The following TCF7L1 variants were observed in gnomAD, a reference collection of about 807,000 sequenced individuals.
TCF7L1 encodes the protein transcription factor 7-like 1.
Under a neutral mutation model 63.7 loss-of-function variants are expected in TCF7L1, and 18 were observed. The observed-to-expected ratio is 0.28, with a 90% CI of 0.20 to 0.42. TCF7L1 has a LOEUF of 0.42. Among genes scored for constraint, TCF7L1 ranks in the 10% least tolerant of loss-of-function variants. The pLI is 1.00. For synonymous variants in TCF7L1, 355 were observed against 340.9 expected (o/e 1.04, Z -0.46); for missense variants, 654 against 779.3 (o/e 0.84, Z 1.91).
intron 3 of TCF7L1, among the ~76,000 whole-genome samples, chr2:85,179,718 G>A (rs1000443757): frequency 1.3e-5 from 2 of 151,714 alleles, no homozygotes; most frequent in African/African-American, 4.9e-5. Context: ...GGGCTGAGTG[G>A]GCTGGTACGG....
At position 85,256,719 on chromosome 2, in the gene TCF7L1, T is replaced by G. The variant is rs1488384424; in HGVS notation, c.442-26776T>G. Among the ~76,000 whole-genome samples, 8 of 152,190 alleles carry G rather than the reference T, an allele frequency of 5.3e-5. 1 individual carries two copies. Among genetic ancestry groups the G allele is most frequent in the Admixed American group, 5.2e-4 (8 of 15,286 alleles). ...TGATATTTACATATTGGGCCAGGTT[T>G]GGTGGCTCATGCCTGTAATTTGGGA... is the stretch of plus-strand genomic sequence containing the variant. On this transcript the variant is annotated intron_variant, in intron 3 of 11. Transcript: ENST00000282111.
In TCF7L1 at chr2:85,305,252, G is replaced by C; in HGVS notation, c.846-8G>C. ...CTCTGTTGCCATTTGTTTCTATCCG[G>C]TGCACAGCCTGGTCTCCAGTCGGTT... On this transcript the variant is annotated splice_polypyrimidine_tract_variant and splice_region_variant and intron_variant, in intron 7 of 11. Transcript: ENST00000282111. The C allele has an allele frequency of 6.2e-7, 1 of 1,614,048 alleles. No homozygotes were observed. Among genetic ancestry groups the C allele is most frequent in the Non-Finnish European group, 8.5e-7 (1 of 1,180,012 alleles).
intron 3 of TCF7L1, among the ~76,000 whole-genome samples, chr2:85,210,875 G>A (rs773880648): frequency 3.3e-5 from 5 of 152,190 alleles, no homozygotes; most frequent in Admixed American, 6.5e-5. Flanking sequence ...GGAAAATGAA[G>A]TGTGGAGAAT....
chr2:85,253,107 A>T (rs1680633959), intron 3 of TCF7L1, among the ~76,000 whole-genome samples: 1 of 152,204 alleles, frequency 6.6e-6, no homozygotes, highest in African/African-American at 2.4e-5. Flanking sequence ...CTATGGAACA[A>T]CAGACCGTGA....
At chr2:85,155,399 G>C (rs1393436414) in intron 3 of TCF7L1, among the ~76,000 whole-genome samples, 1 of 152,156 alleles carries the variant, frequency 6.6e-6, no homozygotes, top group African/African-American at 2.4e-5. Context: ...TCTTGCTGCT[G>C]TTCACTCTTT....
intron 3 of TCF7L1, among the ~76,000 whole-genome samples, chr2:85,143,058 C>G (rs1299126343): frequency 6.6e-6 from 1 of 152,132 alleles, no homozygotes; most frequent in African/African-American, 2.4e-5. Flanking sequence ...TAGCCTTTTT[C>G]AGGAGTTTTT....
intron 3 of TCF7L1, among the ~76,000 whole-genome samples, chr2:85,279,744 G>A (rs913372775): frequency 1.2e-4 from 19 of 152,150 alleles, no homozygotes; most frequent in African/African-American, 3.6e-4. Flanking sequence ...GCCTCCCAGA[G>A]TGAGTCCCTC....
At chr2:85,137,690 C>T (rs1190660211) in intron 3 of TCF7L1, among the ~76,000 whole-genome samples, 2 of 152,144 alleles carry the variant, frequency 1.3e-5, no homozygotes, top group African/African-American at 2.4e-5. Flanking sequence ...GTCGGGAGTT[C>T]GAGACCAGCC....
At chr2:85,177,164 C>T (rs765346421) in intron 3 of TCF7L1, among the ~76,000 whole-genome samples, 23 of 151,942 alleles carry the variant, frequency 1.5e-4, no homozygotes, top group Non-Finnish European at 2.4e-4. Flanking sequence ...TCTTGCATTC[C>T]TCATACAGTG....
At chr2:85,142,292 G>A (rs1677754623) in intron 3 of TCF7L1, among the ~76,000 whole-genome samples, 6 of 152,004 alleles carry the variant, frequency 3.9e-5, no homozygotes. Flanking sequence ...GCTGGGCATG[G>A]TGGTGGGCAC....
At chr2:85,197,544 A>C (rs966738681) in intron 3 of TCF7L1, among the ~76,000 whole-genome samples, 2 of 152,244 alleles carry the variant, frequency 1.3e-5, no homozygotes, top group Non-Finnish European at 2.9e-5. Flanking sequence ...GCAGTCTACT[A>C]AAAGTCCATT....
At chr2:85,227,273 C>G (rs1181067375) in intron 3 of TCF7L1, among the ~76,000 whole-genome samples, 1 of 152,178 alleles carries the variant, frequency 6.6e-6, no homozygotes, top group Non-Finnish European at 1.5e-5. Flanking sequence ...GTCAAACCCC[C>G]TCTGAACTCA....
chr2:85,226,899 T>C (rs1349120649), intron 3 of TCF7L1, among the ~76,000 whole-genome samples: 3 of 150,550 alleles, frequency 2.0e-5, no homozygotes, highest in Admixed American at 6.6e-5. Flanking sequence ...GGCATCCTCA[T>C]TGATCATAAA....
intron 4 of TCF7L1, among the ~76,000 whole-genome samples, chr2:85,291,714 G>T (rs756117669): frequency 9.2e-5 from 14 of 152,200 alleles, no homozygotes; most frequent in East Asian, 3.9e-4. Flanking sequence ...CCGGATTTTG[G>T]TTTTTTGTGC....
chr2:85,266,890 C>T (rs187218350), intron 3 of TCF7L1, among the ~76,000 whole-genome samples: 1 of 152,342 alleles, frequency 6.6e-6, no homozygotes, highest in East Asian at 1.9e-4. Flanking sequence ...GCCAGGACAC[C>T]TGGGTTGTTC....
At chr2:85,260,643 CA>C (rs112797871) in intron 3 of TCF7L1, among the ~76,000 whole-genome samples, 40 of 141,464 alleles carry the variant, frequency 2.8e-4, no homozygotes, top group African/African-American at 5.3e-4. Context: ...GACCCTATCT[CA>C]AAAAAAAAAA....
At chr2:85,287,001 A>G (rs62162681) in intron 4 of TCF7L1, among the ~76,000 whole-genome samples, 9,944 of 152,124 alleles carry the variant, frequency 0.065, 363 homozygotes, top group South Asian at 0.17. Context: ...GCACAGAGCA[A>G]TCCTCTGAGA....
At chr2:85,260,902 A>T (rs1558649294) in intron 3 of TCF7L1, among the ~76,000 whole-genome samples, 1 of 152,138 alleles carries the variant, frequency 6.6e-6, no homozygotes, top group Non-Finnish European at 1.5e-5. Context: ...ATGTAAAAGA[A>T]GTTCTTCTGG....
intron 3 of TCF7L1, among the ~76,000 whole-genome samples, chr2:85,147,076 G>T (rs2104198474): frequency 6.6e-6 from 1 of 152,194 alleles, no homozygotes; most frequent in South Asian, 2.1e-4. Flanking sequence ...AGATACACGG[G>T]CAATCAATCT....
Sources: allele counts gnomAD v4.1 joint callset (sites outside exome capture counted in the v4.1 genomes callset), GRCh38; gene constraint gnomAD v4.1.1; transcripts MANE v1.5; gene names NCBI Gene and HGNC (gene_info 2026-07-23, HGNC 2026-07-21).